The following CELA1 variants were observed in gnomAD, a reference collection of about 807,000 sequenced individuals.
CELA1 encodes the protein chymotrypsin-like elastase family member 1.
CELA1 carries 28 observed loss-of-function variants against 34.8 expected under a neutral mutation model. The ratio of observed to expected loss-of-function variants is 0.80; its 90% confidence interval spans 0.60 to 1.10. The LOEUF (loss-of-function observed/expected upper bound fraction) is 1.10. Ranked by LOEUF, CELA1 falls within the 50% of genes least tolerant of loss-of-function variation. The pLI, the probability that CELA1 is intolerant of heterozygous loss-of-function variation, is 0.00. For missense variants in CELA1, 288 were observed against 327.5 expected (o/e 0.88, Z 0.93); for synonymous variants, 140 against 129.8 (o/e 1.08, Z -0.53).
At chr12:51,333,096 A>T (rs1592295455) in intron 6 of CELA1, among the ~76,000 whole-genome samples, 1 of 141,630 alleles carries the variant, frequency 7.1e-6, no homozygotes, top group South Asian at 2.3e-4. Flanking sequence ...CTCCCCGTTA[A>T]TTTTTTTTTT....
At position 51,343,772 on chromosome 12, in the gene CELA1, CTG is replaced by C. The variant is rs1946551172; in HGVS notation, c.179_180del (p.Thr60SerfsTer19). ...TCTTACTAATCCACGCAGTGAGCAG[CTG>C]TCATCACCCAGTTCTGTCTGATAAG... is the stretch of plus-strand genomic sequence containing the variant. ...GTLIRQNWVM[T>X]AAHCVDYQKT... On this transcript the variant is annotated frameshift_variant, in exon 3 of 8. Coordinates refer to ENST00000293636, the MANE Select transcript of CELA1 (RefSeq NM_001971.6). LOFTEE classifies it high-confidence loss of function. 1.2e-6 allele frequency: 2 copies of C among 1,604,778 alleles called. No homozygotes were observed. Among genetic ancestry groups the C allele is most frequent in the Non-Finnish European group, 1.7e-6 (2 of 1,171,998 alleles).
intron 5 of CELA1, among the ~76,000 whole-genome samples, chr12:51,340,327 C>T (rs1012509671): frequency 5.3e-5 from 8 of 151,674 alleles, no homozygotes; most frequent in African/African-American, 1.7e-4. Flanking sequence ...GTTCTGTTTG[C>T]TCCTGCAAGC....
Position 51,339,994 on chromosome 12 carries a change from G to A in CELA1, c.475C>T (p.Leu159=). 6.2e-7 allele frequency: 1 copy of A among 1,613,318 alleles called. No homozygotes were observed. Among genetic ancestry groups the A allele is most frequent in the South Asian group, 1.1e-5 (1 of 90,968 alleles). Residue 159 remains leucine, a synonymous_variant, in exon 6 of 8, where the codon CTG becomes TTG. Coordinates refer to ENST00000293636, the MANE Select transcript of CELA1 (RefSeq NM_001971.6). ...GWGKTKTNGQ[L]AQTLQQAYLP... is the part of the protein sequence containing the mutation. ...TAAGCCTGCTGCAGGGTCTGGGCCA[G>A]CTGCCCATTGGCTGAACAGGACACA...
At position 51,345,114 on chromosome 12, in the gene CELA1, A is replaced by C. The variant is rs1164244980; in HGVS notation, c.99+681T>G. Among the ~76,000 whole-genome samples the C allele has an allele frequency of 2.2e-5, 3 of 133,808 alleles. No homozygotes were observed. In the East Asian group the frequency reaches 6.2e-4, roughly 27 times the overall value. 87.8% of individuals were successfully genotyped at this position (133,808 alleles called of 152,430 possible). A position where few individuals can be genotyped will look rare whatever the true frequency, so the allele number is the denominator to read the frequency against. The stretch of plus-strand genomic sequence containing the variant: ...CACTCTAGCCTGGGCAATGAGAGCA[A>C]AACTCCATCTCAAAAAAAAAAAAAT... On this transcript the variant is annotated intron_variant, in intron 2 of 7. Coordinates refer to ENST00000293636, the MANE Select transcript of CELA1 (RefSeq NM_001971.6).
chr12:51,345,987 C>A, intron 1 of CELA1, 110 bp from the exon 2 acceptor site: 1 of 719,080 alleles, frequency 1.4e-6, no homozygotes, highest in Middle Eastern at 3.2e-4. Flanking sequence ...TCTGCAAATT[C>A]ACAGTTCCTC....
At chr12:51,341,494 T>G in intron 4 of CELA1, 114 bp from the exon 5 acceptor site, 1 of 1,171,314 alleles carries the variant, frequency 8.5e-7, no homozygotes, top group South Asian at 1.4e-5. Context: ...AGTGACGACT[T>G]TGAAGAAGGA....
At chr12:51,342,895 G>A (rs963367861) in intron 3 of CELA1, among the ~76,000 whole-genome samples, 195 bp from the exon 4 acceptor site, 1 of 150,810 alleles carries the variant, frequency 6.6e-6, no homozygotes, top group African/African-American at 2.4e-5. Flanking sequence ...TCCTCCCACC[G>A]CAGCTTCCCT....
intron 5 of CELA1, 152 bp downstream of exon 5, chr12:51,341,092 G>T: frequency 9.9e-6 from 7 of 706,880 alleles, no homozygotes. Flanking sequence ...CCCATTCTTA[G>T]CTTGATATAA....
At chr12:51,336,548 GC>G (rs1356136215) in intron 6 of CELA1, among the ~76,000 whole-genome samples, 1 of 152,164 alleles carries the variant, frequency 6.6e-6, no homozygotes, top group African/African-American at 2.4e-5. Flanking sequence ...AATCACTTGA[GC>G]CCGTGAGACA....
At chr12:51,345,447 G>C (rs753798427) in intron 2 of CELA1, among the ~76,000 whole-genome samples, 1 of 152,268 alleles carries the variant, frequency 6.6e-6, no homozygotes, top group Non-Finnish European at 1.5e-5. Context: ...GACACACACA[G>C]TGTGGAGTGG....
chr12:51,340,064 T>C (rs1592297856), intron 5 of CELA1, 59 bp from the exon 6 acceptor site: 3 of 1,504,400 alleles, frequency 2.0e-6, no homozygotes, highest in Admixed American at 4.0e-5. Flanking sequence ...AGAAAAACCT[T>C]CCACCCCTGC....
rs373397110 is a variant in CELA1, at chr12:51,346,673, G to A, written c.-35C>T. ...GGAGTAGACCACTGCCTTCTTGCTT[G>A]GACCAAGCCCTCTTTATACTCCTCT... On this transcript the variant is annotated 5_prime_UTR_variant, in exon 1 of 8. Transcript: ENST00000293636. The A allele has an allele frequency of 6.3e-7, 1 of 1,594,954 alleles. No individual in the cohort carries two copies. Among genetic ancestry groups the A allele is most frequent in the Non-Finnish European group, 8.6e-7 (1 of 1,166,178 alleles).
intron 6 of CELA1, among the ~76,000 whole-genome samples, chr12:51,334,718 G>A (rs531325759): frequency 6.6e-6 from 1 of 152,364 alleles, no homozygotes; most frequent in East Asian, 1.9e-4. Context: ...ACAGGCATGA[G>A]CCACTGCGCC....
intron 5 of CELA1, among the ~76,000 whole-genome samples, chr12:51,340,475 C>T (rs1331955296): frequency 2.0e-5 from 3 of 151,284 alleles, no homozygotes; most frequent in South Asian, 2.1e-4. Context: ...CCACAACCTC[C>T]GCCTCCCAGG....
In CELA1 at chr12:51,341,330, T is replaced by G. The variant is rs1352153292; in HGVS notation, c.377A>C (p.Tyr126Ser). 6.2e-7 allele frequency: 1 copy of G among 1,614,166 alleles called. No individual in the cohort carries two copies. ...RLAQSVTLNSYVQLGVLPQEG... is the reference protein window; with the variant it reads ...RLAQSVTLNSSVQLGVLPQEG... ...CTGGGGCAGAACACCCAGCTGGACA[T>G]AGCTATTGAGGGTAACGCTCTGGGC... is the stretch of plus-strand genomic sequence containing the variant. The change falls in exon 5 of 8, where the codon TAT becomes TCT. Residue 126 changes from tyrosine (Y) to serine (S), a missense_variant. Physicochemically the swap from Tyr to Ser is moderately radical, Grantham distance 144. Transcript: ENST00000293636.
intron 2 of CELA1, among the ~76,000 whole-genome samples, chr12:51,345,330 A>G (rs1261016944): frequency 6.6e-6 from 1 of 152,238 alleles, no homozygotes; most frequent in Non-Finnish European, 1.5e-5. Context: ...CACTTAAATC[A>G]GGGCCCAGCT....
At chr12:51,330,969 C>G (rs894626939) in intron 6 of CELA1, among the ~76,000 whole-genome samples, 1 of 79,458 alleles carries the variant, frequency 1.3e-5, no homozygotes, top group African/African-American at 6.1e-5. Context: ...GACTCTGTCT[C>G]AAAAAAAAAA....
chr12:51,339,881 A>G lies in CELA1; in HGVS notation c.588T>C (p.Asp196=). Residue 196 remains aspartate, a synonymous_variant, in exon 6 of 8, where the codon GAT becomes GAC. Coordinates refer to ENST00000293636, the MANE Select transcript of CELA1 (RefSeq NM_001971.6). ...VKNTMVCAGG[D]GVRSGCQGDS... ...TCACCTGGCATCCAGAGCGAACTCC[A>G]TCTCCACCAGCACACACCATGGTGT... is the stretch of plus-strand genomic sequence containing the variant. 1 of 1,613,870 alleles carries G rather than the reference A, an allele frequency of 6.2e-7. No individual in the cohort carries two copies. The highest frequency in any genetic ancestry group is 8.5e-7 in the Non-Finnish European group (1 of 1,179,900).
chr12:51,338,304 A>G (rs1592297192), intron 6 of CELA1, among the ~76,000 whole-genome samples: 4 of 2,252 alleles, frequency 1.8e-3, no homozygotes, highest in Admixed American at 0.022. Flanking sequence ...ATACGCATAC[A>G]TATATATATA....
Sources: allele counts gnomAD v4.1 joint callset (sites outside exome capture counted in the v4.1 genomes callset), GRCh38; gene constraint gnomAD v4.1.1; transcripts MANE v1.5; gene names NCBI Gene and HGNC (gene_info 2026-07-23, HGNC 2026-07-21).